ZFAND3: variants seen among roughly 807,000 people sequenced by gnomAD.
ZFAND3 encodes zinc finger AN1-type containing 3.
Under a neutral mutation model 29.6 loss-of-function variants are expected in ZFAND3, and 10 were observed. The observed-to-expected ratio is 0.34, with a 90% CI of 0.21 to 0.57. The LOEUF (loss-of-function observed/expected upper bound fraction) is 0.57, where lower values mean the gene tolerates loss of function less well. ZFAND3 is among the 20% of genes least tolerant of loss of function. ZFAND3 has a pLI of 0.86. For missense variants in ZFAND3, 230 were observed against 304.5 expected (o/e 0.76, Z 1.82); for synonymous variants, 128 against 112.6 (o/e 1.14, Z -0.87).
At chr6:38,056,890 A>G (rs995866810) in intron 2 of ZFAND3, among the ~76,000 whole-genome samples, 2 of 152,206 alleles carry the variant, frequency 1.3e-5, no homozygotes, top group African/African-American at 2.4e-5. Context: ...CACTCTTAAC[A>G]GTATTCCCAT....
chr6:37,884,628 G>A (rs1464294246), intron 1 of ZFAND3, among the ~76,000 whole-genome samples: 2 of 143,544 alleles, frequency 1.4e-5, no homozygotes, highest in Non-Finnish European at 1.5e-5. Flanking sequence ...TAGACCAAAA[G>A]GCCAAATGAA....
intron 2 of ZFAND3, among the ~76,000 whole-genome samples, chr6:38,013,962 A>G (rs1220972605): frequency 6.6e-6 from 1 of 152,222 alleles, no homozygotes; most frequent in Non-Finnish European, 1.5e-5. Flanking sequence ...TTCTCAAGCC[A>G]GATGCAAGAG....
chr6:38,056,279 C>A (rs1177798140), intron 2 of ZFAND3, among the ~76,000 whole-genome samples: 2 of 152,046 alleles, frequency 1.3e-5, no homozygotes, highest in African/African-American at 2.4e-5. Context: ...AAAGAAGAAA[C>A]AGTCATGATT....
intron 5 of ZFAND3, among the ~76,000 whole-genome samples, chr6:38,126,839 A>G (rs553048508): frequency 2.0e-5 from 3 of 152,106 alleles, no homozygotes; most frequent in Admixed American, 6.5e-5. Flanking sequence ...TATATTTTCA[A>G]TGCATAGCTT....
intron 5 of ZFAND3, among the ~76,000 whole-genome samples, chr6:38,128,605 T>TA (rs1242302507): frequency 6.6e-6 from 1 of 152,226 alleles, no homozygotes; most frequent in Non-Finnish European, 1.5e-5. Flanking sequence ...ATTCCTGAGT[T>TA]ACTTCACTTA....
chr6:37,965,137 G>T (rs982799130), intron 2 of ZFAND3, among the ~76,000 whole-genome samples: 1 of 152,144 alleles, frequency 6.6e-6, no homozygotes, highest in African/African-American at 2.4e-5. Context: ...AGCACCAATT[G>T]TAAAGACATA....
chr6:37,946,455 G>T (rs1761903365), intron 2 of ZFAND3, among the ~76,000 whole-genome samples: 1 of 152,260 alleles, frequency 6.6e-6, no homozygotes, highest in East Asian at 1.9e-4. Context: ...CCTTAGAAAA[G>T]TAATTGGGTT....
rs73421443 is a variant in ZFAND3 at position 37,978,287 on chromosome 6, A to G, written c.112+48288A>G. Among the ~76,000 whole-genome samples the G allele has an allele frequency of 1.6e-3, 246 of 152,290 alleles. 2 individuals are homozygous for G. Among genetic ancestry groups the G allele is most frequent in the African/African-American group, 4.7e-3 (194 of 41,564 alleles). On this transcript the variant is annotated intron_variant, in intron 2 of 5. Coordinates refer to ENST00000287218, the MANE Select transcript of ZFAND3 (RefSeq NM_021943.3). The stretch of plus-strand genomic sequence containing the variant: ...TTTCAAATGTTAAAGCAGTCATACA[A>G]TTTTGGGATAAATTCCGTTTGGTTG...
At chr6:37,992,855 G>T (rs1484524069) in intron 2 of ZFAND3, among the ~76,000 whole-genome samples, 2 of 151,796 alleles carry the variant, frequency 1.3e-5, no homozygotes, top group Non-Finnish European at 1.5e-5. Flanking sequence ...TTTTTGAAGA[G>T]TCTAAGCCTT....
intron 2 of ZFAND3, among the ~76,000 whole-genome samples, chr6:37,976,584 C>CAAAAAAAAAAAAAAAAAAAAAAAAAAAA (rs35783371): frequency 1.3e-5 from 1 of 76,908 alleles, no homozygotes; most frequent in Non-Finnish European, 2.4e-5. Context: ...ACACTGTCTC[C>CAAAAAAAAAAAAAAAAAAAAAAAAAAAA]AAAAAAAAAA....
At chr6:38,147,752 C>T (rs1280171724) in intron 5 of ZFAND3, among the ~76,000 whole-genome samples, 2 of 152,088 alleles carry the variant, frequency 1.3e-5, no homozygotes, top group South Asian at 2.1e-4. Context: ...TTTTTATTCA[C>T]CTATTGACTG....
intron 2 of ZFAND3, among the ~76,000 whole-genome samples, chr6:37,939,113 G>T (rs1056836864): frequency 2.6e-5 from 4 of 152,138 alleles, no homozygotes; most frequent in African/African-American, 9.7e-5. Context: ...ATTGGTATCT[G>T]TATTAGTTTC....
intron 2 of ZFAND3, among the ~76,000 whole-genome samples, chr6:38,004,651 A>G (rs1009150975): frequency 6.6e-5 from 10 of 152,224 alleles, no homozygotes; most frequent in Non-Finnish European, 8.8e-5. Context: ...TAAATTTTCA[A>G]TAATAGAATA....
At chr6:37,868,604 G>A (rs1764633266) in intron 1 of ZFAND3, among the ~76,000 whole-genome samples, 1 of 152,196 alleles carries the variant, frequency 6.6e-6, no homozygotes, top group African/African-American at 2.4e-5. Flanking sequence ...CCAAGCCAAA[G>A]AGTTTTGAGA....
At position 38,012,377 on chromosome 6, in the gene ZFAND3, ATT is replaced by A. The variant is rs67495073; in HGVS notation, c.113-49198_113-49197del. 3.8e-3 allele frequency among the ~76,000 whole-genome samples: 474 copies of A among 123,268 alleles called. 1 individual carries two copies. Among genetic ancestry groups the A allele is most frequent in the Non-Finnish European group, 4.5e-3 (267 of 59,474 alleles). The allele number at this position is 123,268 out of a possible 152,430, so 80.9% of individuals were successfully genotyped here. On this transcript the variant is annotated intron_variant, in intron 2 of 5. Coordinates refer to ENST00000287218, the MANE Select transcript of ZFAND3 (RefSeq NM_021943.3). ...AGCTTCCTCCTTTCTTTTTGATAGT[ATT>A]TTTTTTTTTTTTTTTTTGAGTCGGA... is the stretch of plus-strand genomic sequence containing the variant.
At chr6:37,901,298 A>T (rs1041979303) in intron 1 of ZFAND3, among the ~76,000 whole-genome samples, 2 of 152,218 alleles carry the variant, frequency 1.3e-5, no homozygotes, top group Non-Finnish European at 2.9e-5. Flanking sequence ...GTAAGAGATG[A>T]AAAGTTATCA....
chr6:38,093,013 A>C (rs956533306), intron 4 of ZFAND3, among the ~76,000 whole-genome samples: 5 of 152,200 alleles, frequency 3.3e-5, no homozygotes, highest in African/African-American at 9.7e-5. Flanking sequence ...GTTTTGAAGA[A>C]GCCTAATACA....
intron 2 of ZFAND3, among the ~76,000 whole-genome samples, chr6:38,045,773 C>T (rs969250434): frequency 6.6e-6 from 1 of 152,016 alleles, no homozygotes; most frequent in African/African-American, 2.4e-5. Context: ...AGGGAAAATA[C>T]AGATTGAGTA....
intron 2 of ZFAND3, among the ~76,000 whole-genome samples, chr6:38,021,019 A>G (rs1209477154): frequency 6.6e-6 from 1 of 152,260 alleles, no homozygotes; most frequent in Non-Finnish European, 1.5e-5. Context: ...AACAGAAAAT[A>G]TATGAAAGGA....
Sources: allele counts gnomAD v4.1 joint callset (sites outside exome capture counted in the v4.1 genomes callset), GRCh38; gene constraint gnomAD v4.1.1; transcripts MANE v1.5; gene names NCBI Gene and HGNC (gene_info 2026-07-23, HGNC 2026-07-21).